TSPEAR: variants seen among roughly 807,000 people sequenced by gnomAD.
TSPEAR encodes thrombospondin type laminin G domain and EAR repeats.
Under a neutral mutation model 71.6 loss-of-function variants are expected in TSPEAR, and 69 were observed. The ratio of observed to expected loss-of-function variants is 0.96; its 90% CI spans 0.79 to 1.18. The LOEUF (loss-of-function observed/expected upper bound fraction) is 1.18. Among genes scored for constraint, TSPEAR ranks in the 50% most tolerant of loss-of-function variants. TSPEAR has a pLI of 0.00. For synonymous variants in TSPEAR, 402 were observed against 387.2 expected, an observed-to-expected ratio of 1.04 and a Z score of -0.45; for missense variants, 971 against 894.9, an observed-to-expected ratio of 1.09 and a Z score of -1.09.
intron 2 of TSPEAR, among the ~76,000 whole-genome samples, chr21:44,538,431 C>A (rs868935267): frequency 7.7e-5 from 10 of 129,362 alleles, no homozygotes; most frequent in Admixed American, 3.6e-4. Flanking sequence ...TGCCCCCCCC[C>A]CCCCCAAGAG....
In TSPEAR at chr21:44,706,686, C is replaced by T. The variant is rs181092060; in HGVS notation, c.82+4747G>A. ...CCGGGCCTCAGGGGTCGCCCCGCCA[C>T]CGTTTTCCTTTCCCAGATGCTGGGA... is the stretch of plus-strand genomic sequence containing the variant. On this transcript the variant is annotated intron_variant, in intron 1 of 11. Transcript: ENST00000323084. 2.6e-3 allele frequency among the ~76,000 whole-genome samples: 391 copies of T among 152,334 alleles called. 3 individuals carry two copies. Among genetic ancestry groups the T allele is most frequent in the Middle Eastern group, 0.01 (3 of 294 alleles).
intron 1 of TSPEAR, chr21:44,579,635 A>G (rs1419787581): frequency 3.4e-6 from 4 of 1,162,292 alleles, no homozygotes; most frequent in African/African-American, 3.2e-5. Flanking sequence ...GGGAGTATGG[A>G]GGGGGGGGTC....
At chr21:44,644,295 G>A (rs760981629) in intron 1 of TSPEAR, among the ~76,000 whole-genome samples, 2 of 152,192 alleles carry the variant, frequency 1.3e-5, no homozygotes, top group Non-Finnish European at 2.9e-5. Context: ...TACGTGCACT[G>A]TGTGTGTCTG....
At chr21:44,510,211 G>GAA (rs2052329361) in intron 9 of TSPEAR, among the ~76,000 whole-genome samples, 1 of 152,186 alleles carries the variant, frequency 6.6e-6, no homozygotes, top group South Asian at 2.1e-4. Context: ...GCTGCACGGG[G>GAA]AAGGGGAAGG....
rs782121013 is a variant in TSPEAR, at chr21:44,528,433, G to A, written c.922+19C>T. On this transcript the variant is annotated intron_variant, in intron 6 of 11. Coordinates refer to ENST00000323084, the MANE Select transcript of TSPEAR (RefSeq NM_144991.3). ...GAGTGGCCCTGCATGCCAACGCCCC[G>A]GGTGCAGGGCTGCCTCACCTGCTAA... 2.0e-5 allele frequency: 32 copies of A among 1,613,322 alleles called. No homozygotes were observed. Among genetic ancestry groups the A allele is most frequent in the Middle Eastern group, 1.7e-4 (1 of 6,056 alleles).
intron 1 of TSPEAR, among the ~76,000 whole-genome samples, chr21:44,683,525 C>T (rs1331924283): frequency 1.3e-5 from 2 of 152,032 alleles, no homozygotes; most frequent in Non-Finnish European, 2.9e-5. Flanking sequence ...AAAAATTAGC[C>T]AGACATGGTG....
intron 1 of TSPEAR, chr21:44,677,401 G>T: frequency 8.4e-7 from 1 of 1,191,976 alleles, no homozygotes; most frequent in South Asian, 1.2e-5. Flanking sequence ...ACAGTGTTCT[G>T]AGCTGCAATC....
intron 1 of TSPEAR, chr21:44,677,104 T>C (rs587757534): frequency 7.0e-6 from 5 of 717,438 alleles, no homozygotes; most frequent in Admixed American, 6.0e-5. Flanking sequence ...TTGAGCTGCT[T>C]GGACCTTTTT....
intron 1 of TSPEAR, among the ~76,000 whole-genome samples, chr21:44,586,093 C>A (rs996986943): frequency 2.6e-5 from 4 of 152,238 alleles, no homozygotes; most frequent in African/African-American, 7.2e-5. Flanking sequence ...GCCTCCTGGG[C>A]CACCCCTGGC....
Position 44,556,566 on chromosome 21 carries a change from G to A in TSPEAR, c.303+11219C>T, listed in dbSNP as rs587701694. Among the ~76,000 whole-genome samples the A allele has an allele frequency of 9.2e-5, 14 of 152,154 alleles. No individual in the cohort carries two copies. In the East Asian group the frequency reaches 2.3e-3, roughly 25 times the overall value. On this transcript the variant is annotated intron_variant, in intron 2 of 11. Transcript: ENST00000323084. ...AAATTAGCTGGGCATGGTGGCCTGC[G>A]CCTGTAATCCCAGCTACTCAGGAGG...
chr21:44,557,594 G>A (rs13046422), intron 2 of TSPEAR, among the ~76,000 whole-genome samples: 15 of 152,136 alleles, frequency 9.9e-5, no homozygotes, highest in South Asian at 8.3e-4. Flanking sequence ...AAGCACCCCC[G>A]GGGCCTGGAG....
chr21:44,674,792 T>C (rs1555946624), intron 1 of TSPEAR, among the ~76,000 whole-genome samples: 3 of 136,710 alleles, frequency 2.2e-5, no homozygotes, highest in Admixed American at 7.6e-5. Flanking sequence ...GTGTATAACA[T>C]TACCAGAGAC....
intron 1 of TSPEAR, among the ~76,000 whole-genome samples, chr21:44,576,605 A>ATT (rs1978472188): frequency 6.6e-6 from 1 of 152,240 alleles, no homozygotes; most frequent in Non-Finnish European, 1.5e-5. Flanking sequence ...AGAGTTAAAA[A>ATT]TAACTCCAGA....
intron 1 of TSPEAR, among the ~76,000 whole-genome samples, chr21:44,572,879 A>T (rs1290178065): frequency 6.9e-6 from 1 of 145,722 alleles, no homozygotes; most frequent in Non-Finnish European, 1.5e-5. Context: ...ACACACACAC[A>T]CACACACGGA....
intron 1 of TSPEAR, among the ~76,000 whole-genome samples, chr21:44,622,592 AG>A (rs1184547725): frequency 2.0e-5 from 3 of 152,196 alleles, no homozygotes; most frequent in Non-Finnish European, 2.9e-5. Context: ...CTTGGCTTAT[AG>A]CTGCCTCATG....
At chr21:44,681,690 A>G (rs778523456) in intron 1 of TSPEAR, 3 of 1,145,228 alleles carry the variant, frequency 2.6e-6, no homozygotes, top group Admixed American at 2.6e-5. Flanking sequence ...TCATTCTATT[A>G]TATTCTCGAT....
chr21:44,594,644 A>G (rs200852785), intron 1 of TSPEAR, among the ~76,000 whole-genome samples: 1 of 151,836 alleles, frequency 6.6e-6, no homozygotes. Flanking sequence ...TCCATAACCT[A>G]TTGCACATGT....
Position 44,589,900 on chromosome 21 carries a change from C to T in TSPEAR, c.83-21895G>A, listed in dbSNP as rs1039076403. Among the ~76,000 whole-genome samples, 113 of 152,352 alleles carry T rather than the reference C, an allele frequency of 7.4e-4. 2 individuals carry two copies. Among genetic ancestry groups the T allele is most frequent in the African/African-American group, 2.6e-3 (108 of 41,592 alleles). On this transcript the variant is annotated intron_variant, in intron 1 of 11. Transcript: ENST00000323084. Reference sequence around the variant, plus strand: ...GTCCTGGAGCCCTAGGATGAAGGCTCGGCCCCTGCCAGCTACCCGGAGAAC... The same window carrying T: ...GTCCTGGAGCCCTAGGATGAAGGCTTGGCCCCTGCCAGCTACCCGGAGAAC...
At chr21:44,579,549 A>G in intron 1 of TSPEAR, 1 of 623,612 alleles carries the variant, frequency 1.6e-6, no homozygotes, top group Admixed American at 3.0e-5. Flanking sequence ...GCTGGGAGGG[A>G]GGACAGGGGA....
Sources: allele counts gnomAD v4.1 joint callset (sites outside exome capture counted in the v4.1 genomes callset), GRCh38; gene constraint gnomAD v4.1.1; transcripts MANE v1.5; gene names NCBI Gene and HGNC (gene_info 2026-07-23, HGNC 2026-07-21).